The following ADGRL3 variants were observed in gnomAD, a reference collection of about 807,000 sequenced individuals.
The protein encoded by ADGRL3 is calcium-independent alpha-latrotoxin receptor 3.
ADGRL3 carries 62 observed loss-of-function variants against 153.5 expected under a neutral mutation model. The ratio of observed to expected loss-of-function variants is 0.40; its 90% CI spans 0.33 to 0.50. ADGRL3 has a LOEUF of 0.50. ADGRL3 is among the 20% of genes least tolerant of loss of function. The pLI is 0.47. For synonymous variants in ADGRL3, 710 were observed against 672.5 expected, an observed-to-expected ratio of 1.06 and a Z score of -0.86; for missense variants, 1,641 against 1,859.4, an observed-to-expected ratio of 0.88 and a Z score of 2.16.
chr4:61,373,117 C>T (rs906307561), intron 1 of ADGRL3, among the ~76,000 whole-genome samples: 11 of 152,252 alleles, frequency 7.2e-5, no homozygotes, highest in East Asian at 1.9e-4. Context: ...CACTGACCTG[C>T]GCCCACTGTC....
At chr4:61,268,061 TA>T (rs2149726770) in intron 1 of ADGRL3, among the ~76,000 whole-genome samples, 1 of 151,814 alleles carries the variant, frequency 6.6e-6, no homozygotes, top group Non-Finnish European at 1.5e-5. Flanking sequence ...GTGCCATTTT[TA>T]AATGACTCCA....
chr4:61,623,806 G>A (rs1241239585), intron 5 of ADGRL3, among the ~76,000 whole-genome samples: 1 of 152,124 alleles, frequency 6.6e-6, no homozygotes, highest in Non-Finnish European at 1.5e-5. Flanking sequence ...TTACATAAGA[G>A]CACTTAATAA....
Position 61,998,200 on chromosome 4 carries a change from T to A in ADGRL3, c.3330T>A (p.Ala1110=). The change falls in exon 21 of 27, where the codon GCT becomes GCA. Residue 1110 remains alanine, a synonymous_variant. Transcript: ENST00000683033. ...TTAATGTAATCTTCCTTGGGATTGC[T>A]TTATATAAAATGTTTCATCATACTG... ...IMLNVIFLGI[A]LYKMFHHTAI... is the part of the protein sequence containing the mutation. 6.3e-7 allele frequency: 1 copy of A among 1,583,426 alleles called. No homozygotes were observed. The highest frequency in any genetic ancestry group is 1.1e-5 in the South Asian group (1 of 86,984).
intron 3 of ADGRL3, among the ~76,000 whole-genome samples, chr4:61,511,413 G>A (rs896782919): frequency 2.0e-5 from 3 of 152,098 alleles, no homozygotes; most frequent in East Asian, 1.9e-4. Flanking sequence ...TATGCTGATT[G>A]TATACCCTGA....
At chr4:61,772,128 A>G (rs747566942) in intron 8 of ADGRL3, among the ~76,000 whole-genome samples, 10 of 152,246 alleles carry the variant, frequency 6.6e-5, no homozygotes, top group Non-Finnish European at 1.0e-4. Context: ...AAAAGGATCA[A>G]TAATCACTGA....
intron 1 of ADGRL3, among the ~76,000 whole-genome samples, chr4:61,204,793 C>T (rs1030074716): frequency 6.6e-6 from 1 of 152,006 alleles, no homozygotes; most frequent in Non-Finnish European, 1.5e-5. Context: ...CATCCCCGGC[C>T]TGAAGAGTGA....
At chr4:61,767,861 G>A (rs540368775) in intron 8 of ADGRL3, among the ~76,000 whole-genome samples, 15 of 152,228 alleles carry the variant, frequency 9.9e-5, no homozygotes, top group African/African-American at 3.4e-4. Context: ...CACAGTGGAG[G>A]CAAGGAATTG....
At chr4:61,372,535 C>G (rs1482919597) in intron 1 of ADGRL3, among the ~76,000 whole-genome samples, 1 of 152,222 alleles carries the variant, frequency 6.6e-6, no homozygotes, top group African/African-American at 2.4e-5. Flanking sequence ...ACCAGTTAGG[C>G]TGCTCGGGGG....
At chr4:61,389,020 C>T (rs1487482580) in intron 2 of ADGRL3, among the ~76,000 whole-genome samples, 2 of 152,234 alleles carry the variant, frequency 1.3e-5, no homozygotes, top group East Asian at 1.9e-4. Flanking sequence ...CTAAATATTT[C>T]CTCTTTATAG....
chr4:62,033,288 G>A (rs773582751), intron 23 of ADGRL3, among the ~76,000 whole-genome samples: 40 of 151,562 alleles, frequency 2.6e-4, no homozygotes, highest in Non-Finnish European at 5.2e-4. Context: ...GGGTTCTATC[G>A]ATGGTACCAC....
rs1203029363 is a variant in ADGRL3 at position 62,006,032 on chromosome 4, A to ATATAT, written c.3395+7768_3395+7769insATATT. Among the ~76,000 whole-genome samples, 196 of 73,046 alleles carry ATATAT rather than the reference A, an allele frequency of 2.7e-3. 2 individuals carry two copies. The highest frequency in any genetic ancestry group is 0.013 in the Middle Eastern group (1 of 78). The allele number at this position is 73,046 out of a possible 152,430, so 47.9% of individuals were successfully genotyped here. A position where few individuals can be genotyped will look rare whatever the true frequency, so the allele number is the denominator to read the frequency against. On this transcript the variant is annotated intron_variant, in intron 21 of 26. Transcript: ENST00000683033. The stretch of plus-strand genomic sequence containing the variant: ...TATATATATATATATATATATATAT[A>ATATAT]TTTTTTTTTTTTTTTGAGAAAGGGT...
intron 4 of ADGRL3, among the ~76,000 whole-genome samples, chr4:61,553,575 C>A (rs2098750344): frequency 6.6e-6 from 1 of 152,138 alleles, no homozygotes; most frequent in Non-Finnish European, 1.5e-5. Context: ...TACCCACATG[C>A]ACTTATTGAT....
chr4:61,745,539 A>G (rs1415200982), intron 8 of ADGRL3, among the ~76,000 whole-genome samples: 3 of 152,210 alleles, frequency 2.0e-5, no homozygotes, highest in African/African-American at 7.2e-5. Flanking sequence ...GCCAGAAGAC[A>G]GTGGGGGCCA....
At chr4:61,832,847 G>A (rs2097888802) in intron 9 of ADGRL3, among the ~76,000 whole-genome samples, 1 of 143,114 alleles carries the variant, frequency 7.0e-6, no homozygotes, top group Non-Finnish European at 1.5e-5. Context: ...GGGTCTATGT[G>A]CAGTGTTCTT....
chr4:61,509,124 C>T (rs374160248), intron 3 of ADGRL3, among the ~76,000 whole-genome samples: 16 of 118,562 alleles, frequency 1.3e-4, no homozygotes, highest in East Asian at 5.2e-4. Context: ...CATATCACAT[C>T]TTTTTTTTTT....
intron 8 of ADGRL3, among the ~76,000 whole-genome samples, chr4:61,750,078 G>A (rs1580616612): frequency 6.8e-6 from 1 of 146,970 alleles, no homozygotes; most frequent in Non-Finnish European, 1.5e-5. Context: ...ACTATTCTAT[G>A]TTCTGTGGTT....
chr4:61,560,049 T>C (rs1274595208), intron 4 of ADGRL3, among the ~76,000 whole-genome samples: 1 of 152,096 alleles, frequency 6.6e-6, no homozygotes, highest in Non-Finnish European at 1.5e-5. Context: ...TCATTCCTTC[T>C]TTAAAAAGGC....
intron 4 of ADGRL3, among the ~76,000 whole-genome samples, chr4:61,580,716 A>G (rs777468172): frequency 7.0e-4 from 107 of 152,168 alleles, no homozygotes; most frequent in Middle Eastern, 6.8e-3. Context: ...TCTCATGTGC[A>G]TCCGAAGTTC....
At chr4:61,465,765 A>G (rs976158187) in intron 2 of ADGRL3, among the ~76,000 whole-genome samples, 7 of 145,768 alleles carry the variant, frequency 4.8e-5, no homozygotes, top group African/African-American at 1.7e-4. Flanking sequence ...ATAAATATAT[A>G]TATATATATA....
Sources: gnomAD v4.1 joint callset for allele counts (sites outside exome capture counted in the v4.1 genomes callset) on GRCh38, gnomAD v4.1.1 for gene constraint, MANE v1.5 for transcripts, NCBI Gene and HGNC (gene_info 2026-07-23, HGNC 2026-07-21) for gene names.